Variants in SRGAP1 observed in about 807,000 individuals in gnomAD.
SRGAP1 encodes SLIT-ROBO Rho GTPase activating protein 1.
A neutral mutation model predicts 121.9 loss-of-function variants in SRGAP1; 43 were observed. The ratio of observed to expected loss-of-function variants is 0.35; its 90% confidence interval spans 0.28 to 0.46. SRGAP1 has a LOEUF of 0.46. Among genes scored for constraint, SRGAP1 ranks in the 20% least tolerant of loss-of-function variants. The probability of loss-of-function intolerance (pLI) is 1.00; values close to 1 mark genes in which losing one functional copy is unlikely to be tolerated. For missense variants in SRGAP1, 1,102 were observed against 1,350.9 expected (o/e 0.82, Z 2.89); for synonymous variants, 447 against 485.4 (o/e 0.92, Z 1.04).
At chr12:64,003,445 C>G (rs1485246147) in intron 3 of SRGAP1, among the ~76,000 whole-genome samples, 1 of 123,204 alleles carries the variant, frequency 8.1e-6, no homozygotes, top group African/African-American at 3.2e-5. Context: ...AGGGTGAATA[C>G]TCTTGAAATG....
chr12:63,938,186 C>T (rs1260779218), intron 1 of SRGAP1, among the ~76,000 whole-genome samples: 3 of 152,216 alleles, frequency 2.0e-5, no homozygotes, highest in African/African-American at 4.8e-5. Flanking sequence ...TGCAGAGCCA[C>T]ACCAAAGGCC....
At chr12:63,851,241 A>G (rs1899063510) in intron 1 of SRGAP1, among the ~76,000 whole-genome samples, 1 of 152,156 alleles carries the variant, frequency 6.6e-6, no homozygotes, top group African/African-American at 2.4e-5. Context: ...TGACAGCATT[A>G]TCTACTCTCC....
At chr12:63,913,296 C>G (rs2030607804) in intron 1 of SRGAP1, among the ~76,000 whole-genome samples, 1 of 134,866 alleles carries the variant, frequency 7.4e-6, no homozygotes. Context: ...GTAGCTGGGA[C>G]TATAGGTGCT....
chr12:63,984,897 T>TGCCA (rs777160044), intron 2 of SRGAP1, among the ~76,000 whole-genome samples: 19 of 151,920 alleles, frequency 1.3e-4, no homozygotes, highest in Non-Finnish European at 2.1e-4. Flanking sequence ...GCACCTGTAA[T>TGCCA]GCCAGCCACT....
chr12:63,892,687 TG>T (rs1435387635), intron 1 of SRGAP1, among the ~76,000 whole-genome samples: 1 of 152,196 alleles, frequency 6.6e-6, no homozygotes, highest in East Asian at 1.9e-4. Flanking sequence ...CTTTGAATCC[TG>T]TCTCCAAAGC....
intron 1 of SRGAP1, among the ~76,000 whole-genome samples, chr12:63,896,630 A>T (rs1193989307): frequency 6.6e-6 from 1 of 152,214 alleles, no homozygotes; most frequent in South Asian, 2.1e-4. Context: ...GCCAGTTACA[A>T]TCATGTGGGA....
chr12:63,932,458 A>C (rs181751023), intron 1 of SRGAP1, among the ~76,000 whole-genome samples: 116 of 152,356 alleles, frequency 7.6e-4, no homozygotes, highest in African/African-American at 2.7e-3. Context: ...GGTATTTCCC[A>C]ACAGATCTTA....
chr12:63,883,910 G>A (rs1360357309), intron 1 of SRGAP1, among the ~76,000 whole-genome samples: 2 of 150,806 alleles, frequency 1.3e-5, no homozygotes, highest in Admixed American at 1.3e-4. Context: ...CGCCCGTCTC[G>A]GCCTCACAAA....
At chr12:63,867,063 G>A (rs1169951459) in intron 1 of SRGAP1, among the ~76,000 whole-genome samples, 1 of 152,036 alleles carries the variant, frequency 6.6e-6, no homozygotes, top group African/African-American at 2.4e-5. Flanking sequence ...GTTGCCCACG[G>A]TGGTCTCGAA....
intron 1 of SRGAP1, among the ~76,000 whole-genome samples, chr12:63,866,165 C>T (rs1162355481): frequency 3.9e-5 from 6 of 152,138 alleles, no homozygotes; most frequent in Non-Finnish European, 7.4e-5. Context: ...TGTTGTTCTT[C>T]GACAACTTTT....
chr12:63,957,533 T>C (rs2032508444), intron 1 of SRGAP1, among the ~76,000 whole-genome samples: 1 of 152,172 alleles, frequency 6.6e-6, no homozygotes, highest in Admixed American at 6.5e-5. Context: ...ACCTCAGCTT[T>C]CCTGTCTAAG....
At chr12:63,979,683 C>T (rs1322526553) in intron 1 of SRGAP1, among the ~76,000 whole-genome samples, 1 of 152,108 alleles carries the variant, frequency 6.6e-6, no homozygotes, top group African/African-American at 2.4e-5. Flanking sequence ...TTTGTATCTC[C>T]AGTGCCTAGG....
At chr12:63,933,452 G>T (rs1005338967) in intron 1 of SRGAP1, among the ~76,000 whole-genome samples, 2 of 151,744 alleles carry the variant, frequency 1.3e-5, no homozygotes, top group African/African-American at 4.8e-5. Context: ...GTGGGCATGG[G>T]GACTATTAAT....
intron 1 of SRGAP1, among the ~76,000 whole-genome samples, chr12:63,965,691 C>T (rs2032770757): frequency 6.6e-6 from 1 of 152,140 alleles, no homozygotes; most frequent in Non-Finnish European, 1.5e-5. Flanking sequence ...TAAAAAAACA[C>T]AGAAAGTAAT....
chr12:64,159,515 T>A lies in SRGAP1; in HGVS notation c.*16843T>A, dbSNP rs149199704. 32 of 154,092 alleles carry A rather than the reference T, an allele frequency of 2.1e-4. No individual in the cohort carries two copies. In the East Asian group the frequency reaches 5.9e-3, roughly 29 times the overall value. The allele number at this position is 154,092 out of a possible 1,614,324, so 9.5% of individuals were successfully genotyped here. On this transcript the variant is annotated 3_prime_UTR_variant, in exon 22 of 22. Coordinates refer to ENST00000355086, the MANE Select transcript of SRGAP1 (RefSeq NM_020762.4). ...GTAGCTGGTTGTGGTGGTGTGTGACTGTGATCCCAGCTACTTGGGAGGCTG... is the reference window on the plus strand; with the variant it reads ...GTAGCTGGTTGTGGTGGTGTGTGACAGTGATCCCAGCTACTTGGGAGGCTG...
chr12:63,969,882 A>G (rs1267904982), intron 1 of SRGAP1, among the ~76,000 whole-genome samples: 1 of 151,804 alleles, frequency 6.6e-6, no homozygotes, highest in Non-Finnish European at 1.5e-5. Flanking sequence ...ACTAGAGCCC[A>G]TGTTTCCATA....
At chr12:63,853,443 G>T (rs1297384966) in intron 1 of SRGAP1, among the ~76,000 whole-genome samples, 7 of 152,182 alleles carry the variant, frequency 4.6e-5, no homozygotes, top group Non-Finnish European at 4.4e-5. Context: ...CTGGTAAATT[G>T]TTAACTAACT....
intron 1 of SRGAP1, among the ~76,000 whole-genome samples, chr12:63,921,761 T>C (rs2031056100): frequency 6.6e-6 from 1 of 152,206 alleles, no homozygotes; most frequent in Non-Finnish European, 1.5e-5. Flanking sequence ...GAACATTTAA[T>C]GAAGATTTGT....
chr12:63,882,593 T>G (rs1259779821), intron 1 of SRGAP1, among the ~76,000 whole-genome samples: 1 of 152,304 alleles, frequency 6.6e-6, no homozygotes. Flanking sequence ...CCTATAATGT[T>G]TTTATAATTA....
Sources: allele counts gnomAD v4.1 joint callset (sites outside exome capture counted in the v4.1 genomes callset), GRCh38; gene constraint gnomAD v4.1.1; transcripts MANE v1.5; gene names NCBI Gene and HGNC (gene_info 2026-07-23, HGNC 2026-07-21).